The following DIAPH2 variants were observed in gnomAD, a reference collection of about 807,000 sequenced individuals.
DIAPH2 encodes protein diaphanous homolog 2.
A neutral mutation model predicts 92.7 loss-of-function variants in DIAPH2; 35 were observed. That is an observed-to-expected ratio of 0.38 (90% confidence interval 0.29 to 0.50). DIAPH2 has a LOEUF of 0.50. Among genes scored for constraint, DIAPH2 ranks in the 20% least tolerant of loss-of-function variants. The pLI, the probability that DIAPH2 is intolerant of heterozygous loss-of-function variation, is 0.94. For missense variants in DIAPH2, 701 were observed against 819.5 expected (o/e 0.86, Z 1.77); for synonymous variants, 301 against 280.4 (o/e 1.07, Z -0.73).
At chrX:97,593,199 A>G (rs1044388137) in intron 26 of DIAPH2, among the ~76,000 whole-genome samples, 1 of 111,674 alleles carries the variant, frequency 9.0e-6, no homozygotes, top group African/African-American at 3.3e-5. Context: ...ACTCCACCAG[A>G]TATTAAAACA....
chrX:97,198,411 C>G (rs765438843), intron 22 of DIAPH2, among the ~76,000 whole-genome samples: 44 of 110,109 alleles, frequency 4.0e-4, no homozygotes, highest in Non-Finnish European at 6.6e-4. Flanking sequence ...TCCATTGTTA[C>G]ACGTGGTCAC....
chrX:96,935,392 T>C (rs2065650247), intron 10 of DIAPH2, among the ~76,000 whole-genome samples: 1 of 111,644 alleles, frequency 9.0e-6, no homozygotes, highest in Non-Finnish European at 1.9e-5. Context: ...AGTTCTTAGT[T>C]AATGTCATTG....
At chrX:97,380,160 T>C (rs1602549423) in intron 24 of DIAPH2, among the ~76,000 whole-genome samples, 2 of 111,475 alleles carry the variant, frequency 1.8e-5, no homozygotes, top group East Asian at 5.6e-4. Context: ...TTTTTCATTA[T>C]ATTTTACTCA....
chrX:96,881,528 T>A (rs1337968454), intron 4 of DIAPH2, 51 bp from the exon 5 acceptor site: 2 of 1,101,255 alleles, frequency 1.8e-6, no homozygotes, highest in East Asian at 3.2e-5. Context: ...TTATTTTACT[T>A]AAATTTTTTT....
chrX:97,378,544 G>GA (rs1315237061), intron 24 of DIAPH2, among the ~76,000 whole-genome samples: 1 of 111,356 alleles, frequency 9.0e-6, no homozygotes, highest in East Asian at 2.8e-4. Flanking sequence ...AAAGAAAAAA[G>GA]AAAGAAAAGA....
chrX:97,034,558 T>G (rs752950891), intron 17 of DIAPH2, among the ~76,000 whole-genome samples: 25 of 110,091 alleles, frequency 2.3e-4, no homozygotes, highest in Non-Finnish European at 4.2e-4. Flanking sequence ...TTTCATGACT[T>G]AGGACTAGAA....
intron 24 of DIAPH2, among the ~76,000 whole-genome samples, chrX:97,368,162 T>C (rs1364906469): frequency 8.9e-6 from 1 of 112,559 alleles, no homozygotes; most frequent in Non-Finnish European, 1.9e-5. Flanking sequence ...TGTAAACTTC[T>C]TTTTAATTAT....
intron 3 of DIAPH2, among the ~76,000 whole-genome samples, chrX:96,755,966 C>T (rs987073459): frequency 1.8e-5 from 2 of 108,617 alleles, no homozygotes; most frequent in African/African-American, 6.7e-5. Flanking sequence ...TGGTCTCAAG[C>T]GACCCTCCTG....
At chrX:97,444,551 C>G (rs757471122) in intron 26 of DIAPH2, among the ~76,000 whole-genome samples, 1 of 111,281 alleles carries the variant, frequency 9.0e-6, no homozygotes, top group African/African-American at 3.3e-5. Context: ...GATAGATTAT[C>G]TCCAAATACT....
intron 25 of DIAPH2, among the ~76,000 whole-genome samples, chrX:97,405,063 G>A (rs2069795835): frequency 8.9e-6 from 1 of 111,876 alleles, no homozygotes; most frequent in Non-Finnish European, 1.9e-5. Flanking sequence ...GTTACTGGCT[G>A]AATCAAGGTT....
At chrX:96,723,947 T>C (rs1375804138) in intron 1 of DIAPH2, among the ~76,000 whole-genome samples, 6 of 89,064 alleles carry the variant, frequency 6.7e-5, no homozygotes, top group Non-Finnish European at 1.3e-4. Context: ...TTTTTGAGAC[T>C]GAGTCTCATT....
chrX:96,884,460 T>C (rs2642218), intron 5 of DIAPH2: 381,972 of 1,207,865 alleles, frequency 0.32, 44,996 homozygotes, highest in African/African-American at 0.66. Flanking sequence ...TACCGTGTAA[T>C]GTGAACCAGC....
At chrX:97,100,809 G>A (rs1264346685) in intron 20 of DIAPH2, among the ~76,000 whole-genome samples, 2 of 111,847 alleles carry the variant, frequency 1.8e-5, no homozygotes, top group Non-Finnish European at 3.8e-5. Flanking sequence ...CCTGTTTAAA[G>A]TCAAACTGTG....
chrX:96,931,827 C>T (rs1294443524), intron 10 of DIAPH2, among the ~76,000 whole-genome samples: 1 of 110,885 alleles, frequency 9.0e-6, no homozygotes, highest in Non-Finnish European at 1.9e-5. Flanking sequence ...CTGTTAAATC[C>T]ATTTTAATAA....
chrX:97,158,251 C>G (rs765087227), intron 22 of DIAPH2, among the ~76,000 whole-genome samples: 2 of 112,181 alleles, frequency 1.8e-5, no homozygotes, highest in African/African-American at 6.5e-5. Context: ...ATGCAAATAT[C>G]TGAGATCAAA....
At chrX:96,741,868 T>C (rs1348912591) in intron 3 of DIAPH2, among the ~76,000 whole-genome samples, 1 of 111,881 alleles carries the variant, frequency 8.9e-6, no homozygotes, top group African/African-American at 3.3e-5. Context: ...TTTTGTCTCC[T>C]CAACATTCAT....
intron 23 of DIAPH2, among the ~76,000 whole-genome samples, chrX:97,278,738 T>A (rs1416344837): frequency 8.9e-6 from 1 of 112,285 alleles, no homozygotes; most frequent in Non-Finnish European, 1.9e-5. Context: ...CAAGACATGT[T>A]TCTATTTGGC....
chrX:97,015,189 G>A (rs1395927601), intron 17 of DIAPH2, among the ~76,000 whole-genome samples: 1 of 111,418 alleles, frequency 9.0e-6, no homozygotes, highest in Non-Finnish European at 1.9e-5. Context: ...GATACATGGG[G>A]AAAAAATTAG....
chrX:96,780,399 TG>T (rs2064407558), intron 4 of DIAPH2, among the ~76,000 whole-genome samples: 1 of 112,420 alleles, frequency 8.9e-6, no homozygotes, highest in Admixed American at 9.4e-5. Context: ...TTAAAATGTG[TG>T]TGTGTGTGCG....
Sources: gnomAD v4.1 joint callset for allele counts (sites outside exome capture counted in the v4.1 genomes callset) on GRCh38, gnomAD v4.1.1 for gene constraint, MANE v1.5 for transcripts, NCBI Gene and HGNC (gene_info 2026-07-23, HGNC 2026-07-21) for gene names.